ADGRL2: variants seen among roughly 807,000 people sequenced by gnomAD.
The protein encoded by ADGRL2 is adhesion G protein-coupled receptor L2.
A neutral mutation model predicts 157.4 loss-of-function variants in ADGRL2; 44 were observed. That is an observed-to-expected ratio of 0.28 (90% CI 0.22 to 0.36). The LOEUF (loss-of-function observed/expected upper bound fraction) is 0.36, where lower values mean the gene tolerates loss of function less well. Among genes scored for constraint, ADGRL2 ranks in the 10% least tolerant of loss-of-function variants. ADGRL2 has a pLI of 1.00. For synonymous variants in ADGRL2, 585 were observed against 624.7 expected, an observed-to-expected ratio of 0.94 and a Z score of 0.95; for missense variants, 1,510 against 1,768.9, an observed-to-expected ratio of 0.85 and a Z score of 2.63.
rs12047361 is a variant in ADGRL2 at position 81,411,924 on chromosome 1, G to A, written c.-301-33112G>A. Among the ~76,000 whole-genome samples the A allele has an allele frequency of 3.1e-3, 469 of 151,864 alleles. 11 individuals carry two copies. The East Asian group carries it at 0.053, about 17-fold the overall frequency. ...TTTTAAGAAAGGTGAATCCTCTTTG[G>A]TTTGGTTTCTGAATGTAGTAAGTCT... is the stretch of plus-strand genomic sequence containing the variant. On this transcript the variant is annotated intron_variant, in intron 1 of 24. Transcript: ENST00000370721.
intron 2 of ADGRL2, among the ~76,000 whole-genome samples, chr1:81,884,090 A>C (rs1222542753): frequency 1.3e-5 from 2 of 150,880 alleles, no homozygotes. Flanking sequence ...GGCTCAAGTG[A>C]TCCTCCCCCC....
chr1:81,613,835 C>T (rs552184813), intron 3 of ADGRL2, among the ~76,000 whole-genome samples: 5 of 152,138 alleles, frequency 3.3e-5, no homozygotes, highest in Non-Finnish European at 7.3e-5. Context: ...AAACAATTTC[C>T]ATTGCTGATT....
At chr1:81,312,905 G>A (rs978420790) in intron 1 of ADGRL2, among the ~76,000 whole-genome samples, 1 of 152,122 alleles carries the variant, frequency 6.6e-6, no homozygotes, top group Middle Eastern at 3.2e-3. Context: ...AACAGAAAGA[G>A]TACTAGTTTC....
At chr1:81,686,433 A>G (rs554154606) in intron 3 of ADGRL2, among the ~76,000 whole-genome samples, 3 of 152,310 alleles carry the variant, frequency 2.0e-5, no homozygotes, top group South Asian at 2.1e-4. Context: ...AAAGGTGTTC[A>G]TAGTAGCCTT....
rs185819086 is a variant in ADGRL2 at position 81,380,726 on chromosome 1, T to A, written c.-301-64310T>A. Among the ~76,000 whole-genome samples, 574 of 152,326 alleles carry A rather than the reference T, an allele frequency of 3.8e-3. 1 individual carries two copies. Among genetic ancestry groups the A allele is most frequent in the Middle Eastern group, 0.02 (6 of 294 alleles). On this transcript the variant is annotated intron_variant, in intron 1 of 24. Transcript: ENST00000370721. ...CTATTTATTATTTTCCATTCAGCTG[T>A]CTGTTTTTATTCCAAAACCGCAGAT...
chr1:81,719,914 A>T (rs890458584), intron 1 of ADGRL2, among the ~76,000 whole-genome samples: 16 of 152,088 alleles, frequency 1.1e-4, no homozygotes, highest in Admixed American at 8.5e-4. Context: ...GATATGGGAG[A>T]AAACATGATT....
At chr1:81,441,578 G>A (rs1317868466) in intron 1 of ADGRL2, among the ~76,000 whole-genome samples, 1 of 152,188 alleles carries the variant, frequency 6.6e-6, no homozygotes, top group Non-Finnish European at 1.5e-5. Context: ...AGGCTGGAGT[G>A]CAATGTTGCA....
In ADGRL2 at chr1:81,434,012, A is replaced by T. The variant is rs929573770; in HGVS notation, c.-301-11024A>T. On this transcript the variant is annotated intron_variant, in intron 1 of 24. Coordinates refer to the ADGRL2 transcript ENST00000370721. Reference sequence around the variant, plus strand: ...TAGTCTGACTTTTTAGTGGAAGCTCAGGGTTCCAAAAGAACAAGGCAATGT... The same window carrying T: ...TAGTCTGACTTTTTAGTGGAAGCTCTGGGTTCCAAAAGAACAAGGCAATGT... 2.6e-5 allele frequency among the ~76,000 whole-genome samples: 4 copies of T among 152,336 alleles called. No individual in the cohort carries two copies. In the East Asian group the frequency reaches 7.7e-4, roughly 29 times the overall value.
chr1:81,977,574 ACTC>A (rs150866081), intron 17 of ADGRL2, among the ~76,000 whole-genome samples: 2,567 of 151,304 alleles, frequency 0.017, 68 homozygotes, highest in African/African-American at 0.058. Flanking sequence ...ATCATTTTCT[ACTC>A]CTCTTCTTTT....
intron 1 of ADGRL2, among the ~76,000 whole-genome samples, chr1:81,754,569 TTCC>T (rs967406394): frequency 2.1e-5 from 3 of 144,036 alleles, no homozygotes; most frequent in East Asian, 2.5e-4. Context: ...CTTTCTTTCT[TTCC>T]TCCTTTCTCT....
At chr1:81,738,122 C>T (rs1441231554) in intron 1 of ADGRL2, among the ~76,000 whole-genome samples, 1 of 152,094 alleles carries the variant, frequency 6.6e-6, no homozygotes, top group Non-Finnish European at 1.5e-5. Flanking sequence ...AAAAATGTAT[C>T]AATATTGTCT....
intron 6 of ADGRL2, among the ~76,000 whole-genome samples, 154 bp from the exon 7 acceptor site, chr1:81,950,035 C>T (rs1322870850): frequency 5.3e-5 from 8 of 151,996 alleles, no homozygotes; most frequent in Non-Finnish European, 1.5e-5. Context: ...TTCTTACGAG[C>T]GATATTGTCA....
intron 1 of ADGRL2, among the ~76,000 whole-genome samples, chr1:81,416,499 C>A (rs1408427793): frequency 1.3e-5 from 2 of 152,094 alleles, no homozygotes; most frequent in African/African-American, 2.4e-5. Context: ...TTCTCATATT[C>A]CAAATATTAT....
chr1:81,849,015 T>C (rs763033162), intron 2 of ADGRL2, among the ~76,000 whole-genome samples: 4 of 151,962 alleles, frequency 2.6e-5, no homozygotes, highest in Admixed American at 6.6e-5. Context: ...ATCCTTTGCT[T>C]TGTTTTAGAG....
intron 1 of ADGRL2, among the ~76,000 whole-genome samples, chr1:81,319,407 G>C (rs149005045): frequency 1.3e-5 from 2 of 151,972 alleles, no homozygotes; most frequent in Admixed American, 1.3e-4. Context: ...AATACAAACC[G>C]AGATTTTTTT....
chr1:81,477,991 C>T (rs1022061951), intron 2 of ADGRL2, among the ~76,000 whole-genome samples: 1 of 152,092 alleles, frequency 6.6e-6, no homozygotes, highest in Non-Finnish European at 1.5e-5. Flanking sequence ...TGTTCCAAAA[C>T]TGAAGAGAGC....
intron 1 of ADGRL2, among the ~76,000 whole-genome samples, chr1:81,377,060 G>C (rs960296529): frequency 6.6e-6 from 1 of 152,092 alleles, no homozygotes; most frequent in African/African-American, 2.4e-5. Context: ...GGGCATGGTG[G>C]CACGCACCTG....
At chr1:81,472,953 G>A (rs1171218208) in intron 2 of ADGRL2, among the ~76,000 whole-genome samples, 1 of 152,164 alleles carries the variant, frequency 6.6e-6, no homozygotes, top group Non-Finnish European at 1.5e-5. Flanking sequence ...GAGAGCAAAA[G>A]TGTCTGTCTG....
chr1:81,811,405 T>G (rs1166511788), intron 1 of ADGRL2, among the ~76,000 whole-genome samples: 1 of 151,788 alleles, frequency 6.6e-6, no homozygotes, highest in East Asian at 1.9e-4. Context: ...GGTGATATGT[T>G]TATGTTGGAA....
Sources: gnomAD v4.1 joint callset for allele counts (sites outside exome capture counted in the v4.1 genomes callset) on GRCh38, gnomAD v4.1.1 for gene constraint, MANE v1.5 for transcripts, NCBI Gene and HGNC (gene_info 2026-07-23, HGNC 2026-07-21) for gene names.